The following ANKUB1 variants were observed in gnomAD, a reference collection of about 807,000 sequenced individuals.
ANKUB1 encodes the protein ankyrin repeat and ubiquitin domain containing 1, also known as protein ANKUB1.
A neutral mutation model predicts 49.3 loss-of-function variants in ANKUB1; 42 were observed. That is an observed-to-expected ratio of 0.85 (90% CI 0.67 to 1.10). The LOEUF (loss-of-function observed/expected upper bound fraction) is 1.10. Ranked by LOEUF, ANKUB1 falls within the 50% of genes least tolerant of loss-of-function variation. ANKUB1 has a pLI of 0.00. For synonymous variants in ANKUB1, 222 were observed against 231.0 expected, an observed-to-expected ratio of 0.96 and a Z score of 0.35; for missense variants, 613 against 642.0, an observed-to-expected ratio of 0.95 and a Z score of 0.49.
Position 149,767,647 on chromosome 3 carries a change from A to G in ANKUB1, c.1015T>C (p.Phe339Leu). The change falls in exon 5 of 6, where the codon TTT becomes CTT. Residue 339 changes from phenylalanine (F) to leucine (L), a missense_variant. Physicochemically the swap from Phe to Leu is conservative, Grantham distance 22. Transcript: ENST00000446160. ...HKSQFCGARV[F>L]GAKVGDTVMV... ...ACAGTGTCTCCAACTTTTGCCCCAA[A>G]GACCCTTGCTCCACAAAACTGGCTT... is the stretch of plus-strand genomic sequence containing the variant. 1 of 1,551,654 alleles carries G rather than the reference A, an allele frequency of 6.4e-7. No individual in the cohort carries two copies. The highest frequency in any genetic ancestry group is 2.4e-5 in the East Asian group (1 of 40,928).
intron 5 of ANKUB1, among the ~76,000 whole-genome samples, chr3:149,763,394 C>T (rs1199046765): frequency 6.6e-6 from 1 of 152,108 alleles, no homozygotes; most frequent in Non-Finnish European, 1.5e-5. Flanking sequence ...GAAAAAGATG[C>T]GTATTGAGCA....
intron 5 of ANKUB1, among the ~76,000 whole-genome samples, chr3:149,765,664 C>G (rs912085030): frequency 3.9e-5 from 6 of 152,180 alleles, no homozygotes; most frequent in African/African-American, 1.4e-4. Flanking sequence ...AAAATAAACT[C>G]ATTTTTAGCA....
At chr3:149,776,963 T>G (rs768350554) in intron 3 of ANKUB1, among the ~76,000 whole-genome samples, 1 of 127,152 alleles carries the variant, frequency 7.9e-6, no homozygotes, top group Non-Finnish European at 1.6e-5. Context: ...GGTGATGGAG[T>G]GAGACCCTGT....
At chr3:149,780,493 G>A (rs1021803250) in intron 2 of ANKUB1, 38 bp from the exon 3 acceptor site, 2 of 1,493,582 alleles carry the variant, frequency 1.3e-6, no homozygotes, top group Non-Finnish European at 1.8e-6. Context: ...ATTGTCTGGA[G>A]GTTCAGATGA....
intron 2 of ANKUB1, among the ~76,000 whole-genome samples, chr3:149,788,070 C>A (rs1229711556): frequency 6.6e-6 from 1 of 152,132 alleles, no homozygotes; most frequent in East Asian, 1.9e-4. Context: ...TCTCTCAAGG[C>A]AAACTAACTT....
chr3:149,762,670 C>G (rs1286154293), intron 5 of ANKUB1, among the ~76,000 whole-genome samples: 1 of 152,124 alleles, frequency 6.6e-6, no homozygotes, highest in African/African-American at 2.4e-5. Context: ...TCTTCAAAAA[C>G]AAACAAAAAC....
Position 149,767,964 on chromosome 3 carries a change from T to C in ANKUB1, c.698A>G (p.Glu233Gly), listed in dbSNP as rs746007503. The C allele has an allele frequency of 6.5e-7, 1 of 1,542,776 alleles. No individual in the cohort carries two copies. Among genetic ancestry groups the C allele is most frequent in the South Asian group, 1.2e-5 (1 of 83,590 alleles). Residue 233 changes from glutamate (E) to glycine (G), a missense_variant, in exon 5 of 6, where the codon GAA (glutamate) becomes GGA (glycine). Coordinates refer to ENST00000446160, the MANE Select transcript of ANKUB1 (RefSeq NM_001144960.3). ...GVHPYRAWCHEALHADVSKCP... is the reference protein window; with the variant it reads ...GVHPYRAWCHGALHADVSKCP... ...TTTAGAGACATCTGCATGAAGGGCT[T>C]CATGGCACCATGCTCGATAGGGGTG...
intron 2 of ANKUB1, among the ~76,000 whole-genome samples, chr3:149,789,883 G>A (rs147458044): frequency 8.3e-4 from 126 of 152,226 alleles, no homozygotes; most frequent in African/African-American, 2.6e-3. Context: ...CCACCCAGGT[G>A]TGAGCCACTG....
At chr3:149,785,068 A>G (rs1186595430) in intron 2 of ANKUB1, among the ~76,000 whole-genome samples, 7 of 152,194 alleles carry the variant, frequency 4.6e-5, no homozygotes, top group Non-Finnish European at 1.0e-4. Context: ...GTACAAAAAC[A>G]TACACTTTTG....
intron 2 of ANKUB1, chr3:149,783,975 TA>T (rs1462127689): frequency 6.6e-6 from 1 of 152,198 alleles, no homozygotes; most frequent in African/African-American, 2.4e-5. Flanking sequence ...TTTTTGTGTA[TA>T]AAAATGCATA....
At chr3:149,790,683 T>A in intron 2 of ANKUB1, 98 bp downstream of exon 2, 1 of 1,257,052 alleles carries the variant, frequency 8.0e-7, no homozygotes, top group Admixed American at 2.8e-5. Context: ...AAAGAGACAA[T>A]TTCTTTTTAA....
In ANKUB1 at chr3:149,776,541, C is replaced by A. The variant is rs74376383; in HGVS notation, c.451+3698G>T. 1.2e-4 allele frequency among the ~76,000 whole-genome samples: 19 copies of A among 152,170 alleles called. No individual in the cohort carries two copies. The East Asian group carries it at 3.7e-3, about 29-fold the overall frequency. ...TGCCACTAACTGACCAGCTGAGTAA[C>A]TTTTTTAAAAAAAAGTACTCTCTGA... On this transcript the variant is annotated intron_variant, in intron 3 of 5. Transcript: ENST00000446160.
rs1289173056 is a variant in ANKUB1, at chr3:149,767,334, T to G, written c.1328A>C (p.Asn443Thr). The G allele has an allele frequency of 1.3e-6, 2 of 1,550,612 alleles. No homozygotes were observed. The highest frequency in any genetic ancestry group is 1.7e-6 in the Non-Finnish European group (2 of 1,146,786). ...TARKKEKLIKNTYLPQVPLPP... is the reference protein window; with the variant it reads ...TARKKEKLIKTTYLPQVPLPP... ...GAGGGGGACTTGGGGAAGATATGTGTTTTTTATGAGCTTTTCTTTTTTCCT... is the reference window on the plus strand; with the variant it reads ...GAGGGGGACTTGGGGAAGATATGTGGTTTTTATGAGCTTTTCTTTTTTCCT... Residue 443 changes from asparagine to threonine, a missense_variant, in exon 5 of 6, where the codon AAC becomes ACC. Coordinates refer to ENST00000446160, the MANE Select transcript of ANKUB1 (RefSeq NM_001144960.3).
chr3:149,772,930 A>G (rs1331591751), intron 3 of ANKUB1, among the ~76,000 whole-genome samples: 1 of 152,198 alleles, frequency 6.6e-6, no homozygotes, highest in East Asian at 1.9e-4. Context: ...TCAGAACACC[A>G]GTAATCTTAG....
chr3:149,780,792 G>T (rs180689138), intron 2 of ANKUB1, among the ~76,000 whole-genome samples: 3 of 152,242 alleles, frequency 2.0e-5, no homozygotes, highest in Admixed American at 1.3e-4. Context: ...CTGTTGTGCA[G>T]TACTTTAATT....
At chr3:149,782,973 GA>G (rs1717934696) in intron 2 of ANKUB1, 1 of 151,778 alleles carries the variant, frequency 6.6e-6, no homozygotes, top group South Asian at 2.1e-4. Context: ...AAGCGCTCAG[GA>G]ACTTTTTATC....
At chr3:149,783,363 T>C (rs1437065317) in intron 2 of ANKUB1, 1 of 152,224 alleles carries the variant, frequency 6.6e-6, no homozygotes, top group Non-Finnish European at 1.5e-5. Context: ...CAAATCATTG[T>C]TGGACATGTA....
intron 5 of ANKUB1, among the ~76,000 whole-genome samples, chr3:149,762,437 C>T (rs1490319266): frequency 6.6e-6 from 1 of 152,196 alleles, no homozygotes; most frequent in African/African-American, 2.4e-5. Flanking sequence ...AGAAACGAAA[C>T]TAAATTCCTT....
At chr3:149,776,747 G>A (rs992276294) in intron 3 of ANKUB1, among the ~76,000 whole-genome samples, 1 of 151,462 alleles carries the variant, frequency 6.6e-6, no homozygotes, top group Non-Finnish European at 1.5e-5. Context: ...GATCACTTGA[G>A]GTCAGGAGTT....
Sources: gnomAD v4.1 joint callset for allele counts (sites outside exome capture counted in the v4.1 genomes callset) on GRCh38, gnomAD v4.1.1 for gene constraint, MANE v1.5 for transcripts, NCBI Gene and HGNC (gene_info 2026-07-23, HGNC 2026-07-21) for gene names.